The following RAP1GAP2 variants were observed in gnomAD, a reference collection of about 807,000 sequenced individuals.
RAP1GAP2 encodes RAP1 GTPase activating protein 2.
In RAP1GAP2, 27 loss-of-function variants were observed where a neutral mutation model predicts 95.0. The observed-to-expected ratio is 0.28, with a 90% confidence interval of 0.21 to 0.39. The LOEUF is 0.39. Among genes scored for constraint, RAP1GAP2 ranks in the 10% least tolerant of loss-of-function variants. The pLI, the probability that RAP1GAP2 is intolerant of heterozygous loss-of-function variation, is 1.00. For missense variants in RAP1GAP2, 771 were observed against 970.0 expected (o/e 0.79, Z 2.72); for synonymous variants, 373 against 380.9 (o/e 0.98, Z 0.24).
intron 3 of RAP1GAP2, among the ~76,000 whole-genome samples, chr17:2,927,193 A>G (rs187295644): frequency 0.028 from 4,215 of 148,356 alleles, 86 homozygotes; most frequent in Non-Finnish European, 0.04. Context: ...TCGCTCTGTC[A>G]CCCAGGCTGG....
chr17:2,967,266 G>A lies in RAP1GAP2; in HGVS notation c.596+1623G>A, dbSNP rs555811856. Among the ~76,000 whole-genome samples, 150 of 152,226 alleles carry A rather than the reference G, an allele frequency of 9.9e-4. 2 individuals carry two copies. The highest frequency in any genetic ancestry group is 7.3e-3 in the South Asian group (35 of 4,822). ...GGTGCCTGTAGTCCCAGCTACTCAG[G>A]AGGCTGAGGCAGGAGAATCACCTGA... On this transcript the variant is annotated intron_variant, in intron 8 of 24. Transcript: ENST00000254695.
intron 2 of RAP1GAP2, among the ~76,000 whole-genome samples, chr17:2,886,412 A>T (rs1279242203): frequency 1.3e-5 from 2 of 152,046 alleles, no homozygotes; most frequent in Non-Finnish European, 2.9e-5. Context: ...ACCTCAGGTG[A>T]TCCACCTGTC....
chr17:2,759,009 A>G (rs2071199478), intron 1 of RAP1GAP2, among the ~76,000 whole-genome samples: 1 of 150,928 alleles, frequency 6.6e-6, no homozygotes. Context: ...TAACTTTTAC[A>G]TCTTTTTTTT....
At chr17:2,881,786 G>T (rs1450268154) in intron 2 of RAP1GAP2, among the ~76,000 whole-genome samples, 2 of 151,492 alleles carry the variant, frequency 1.3e-5, no homozygotes, top group Admixed American at 6.6e-5. Flanking sequence ...TTTTTTTCTC[G>T]ATGATGGCCA....
intron 1 of RAP1GAP2, among the ~76,000 whole-genome samples, chr17:2,758,606 C>T (rs564108154): frequency 3.3e-5 from 5 of 152,238 alleles, no homozygotes; most frequent in Admixed American, 2.6e-4. Context: ...CGTCTGAGGC[C>T]GAGATACCCT....
chr17:2,781,321 T>C (rs192719457), intron 1 of RAP1GAP2, among the ~76,000 whole-genome samples: 16 of 152,290 alleles, frequency 1.1e-4, no homozygotes, highest in African/African-American at 3.4e-4. Flanking sequence ...ATTAGATGGC[T>C]GGTGGAGAGC....
At chr17:2,767,974 C>T (rs1299815100) in intron 1 of RAP1GAP2, among the ~76,000 whole-genome samples, 2 of 152,134 alleles carry the variant, frequency 1.3e-5, no homozygotes, top group Admixed American at 6.6e-5. Flanking sequence ...CCTCGTGATC[C>T]ATCTGCCTCG....
At chr17:2,853,898 GGGCC>G in intron 2 of RAP1GAP2, 2 of 977,278 alleles carry the variant, frequency 2.0e-6, no homozygotes, top group Non-Finnish European at 2.4e-6. Flanking sequence ...CGGAGGCCGG[GGGCC>G]GGGGCGCGGG....
At chr17:3,028,752 C>T (rs888764666) in intron 22 of RAP1GAP2, among the ~76,000 whole-genome samples, 4 of 152,182 alleles carry the variant, frequency 2.6e-5, no homozygotes, top group African/African-American at 7.2e-5. Context: ...GACAGGTCCA[C>T]GTCTCTGAGC....
chr17:2,874,299 G>C (rs965160674), intron 2 of RAP1GAP2, among the ~76,000 whole-genome samples: 7 of 152,110 alleles, frequency 4.6e-5, no homozygotes, highest in African/African-American at 1.7e-4. Context: ...GACTCTTGAA[G>C]ACTAAAAACA....
At chr17:2,962,443 C>T in intron 4 of RAP1GAP2, 1 of 508,324 alleles carries the variant, frequency 2.0e-6, no homozygotes, top group Non-Finnish European at 3.4e-6. Context: ...GGATTTGAAC[C>T]CCGGCGATCT....
At chr17:2,897,508 T>G (rs2041875562) in intron 2 of RAP1GAP2, among the ~76,000 whole-genome samples, 1 of 151,570 alleles carries the variant, frequency 6.6e-6, no homozygotes, top group Non-Finnish European at 1.5e-5. Context: ...CCTCCTGGGA[T>G]CAAGCAATTT....
At position 3,027,579 on chromosome 17, in the gene RAP1GAP2, C is replaced by T. The variant is rs2047165558; in HGVS notation, c.2107+509C>T. 6.6e-6 allele frequency among the ~76,000 whole-genome samples: 1 copy of T among 152,066 alleles called. No homozygotes were observed. The highest frequency in any genetic ancestry group is 2.4e-5 in the African/African-American group (1 of 41,402). Reference sequence around the variant, plus strand: ...TTCATGGCAGCTGGGTTCACAGAGCCAGGCGTCAGAGAGGCCGGAGCGTTG... The same window carrying T: ...TTCATGGCAGCTGGGTTCACAGAGCTAGGCGTCAGAGAGGCCGGAGCGTTG... On this transcript the variant is annotated intron_variant, in intron 22 of 24. Transcript: ENST00000254695. This position sits in a 1 kb window ranked among gnomAD's most constrained non-coding sequence, Gnocchi z 5.2.
At chr17:2,828,784 C>T (rs113915640) in intron 2 of RAP1GAP2, among the ~76,000 whole-genome samples, 80 of 152,238 alleles carry the variant, frequency 5.3e-4, no homozygotes, top group Middle Eastern at 3.4e-3. Flanking sequence ...GGTTTCCTGG[C>T]TGTTCTCCTT....
At chr17:2,943,970 A>C (rs963163633) in intron 3 of RAP1GAP2, among the ~76,000 whole-genome samples, 3 of 152,074 alleles carry the variant, frequency 2.0e-5, no homozygotes, top group African/African-American at 7.2e-5. Flanking sequence ...CAACATGGTG[A>C]AACCAGTCTC....
intron 17 of RAP1GAP2, among the ~76,000 whole-genome samples, chr17:3,015,692 C>G (rs2046740019): frequency 6.6e-6 from 1 of 152,132 alleles, no homozygotes; most frequent in African/African-American, 2.4e-5. Flanking sequence ...TTGCGGGCGC[C>G]TGTAGTCCCA....
chr17:2,959,785 T>G (rs1175075450), intron 4 of RAP1GAP2, among the ~76,000 whole-genome samples: 1 of 152,152 alleles, frequency 6.6e-6, no homozygotes, highest in Non-Finnish European at 1.5e-5. Flanking sequence ...CGGTTTCCCC[T>G]TCTGAGCCTT....
chr17:2,952,251 T>G (rs1463939476), intron 3 of RAP1GAP2, among the ~76,000 whole-genome samples: 3 of 152,216 alleles, frequency 2.0e-5, no homozygotes, highest in Non-Finnish European at 4.4e-5. Context: ...TTTTTCTCAC[T>G]TAGCAATGCA....
intron 3 of RAP1GAP2, among the ~76,000 whole-genome samples, chr17:2,919,523 C>T (rs779795818): frequency 4.0e-5 from 6 of 151,766 alleles, no homozygotes; most frequent in Non-Finnish European, 8.8e-5. Context: ...ATTTCGGGGA[C>T]AGATGCTGAC....
Sources: allele counts gnomAD v4.1 joint callset (sites outside exome capture counted in the v4.1 genomes callset), GRCh38; gene constraint gnomAD v4.1.1; non-coding constraint Gnocchi (gnomAD v3.1); transcripts MANE v1.5; gene names NCBI Gene and HGNC (gene_info 2026-07-23, HGNC 2026-07-21).